The following NPSR1 variants were observed in gnomAD, a reference collection of about 807,000 sequenced individuals.
NPSR1 encodes the protein neuropeptide S receptor.
In NPSR1, 48 loss-of-function variants were observed where a neutral mutation model predicts 46.9. The ratio of observed to expected loss-of-function variants is 1.02; its 90% CI spans 0.81 to 1.30. The LOEUF (loss-of-function observed/expected upper bound fraction) is 1.30. NPSR1 is among the 50% of genes most tolerant of loss of function. NPSR1 has a pLI of 0.00. For missense variants in NPSR1, 450 were observed against 449.5 expected, an observed-to-expected ratio of 1.00 and a Z score of -0.01; for synonymous variants, 176 against 168.1, an observed-to-expected ratio of 1.05 and a Z score of -0.36.
chr7:34,727,425 C>G (rs190175823), intron 2 of NPSR1, among the ~76,000 whole-genome samples: 3 of 152,258 alleles, frequency 2.0e-5, no homozygotes, highest in Admixed American at 6.5e-5. Context: ...GACCAAGTTT[C>G]CCTCAATGGT....
chr7:34,848,281 T>C (rs1479411986), intron 7 of NPSR1, among the ~76,000 whole-genome samples: 1 of 152,220 alleles, frequency 6.6e-6, no homozygotes, highest in Non-Finnish European at 1.5e-5. Context: ...TTTAGGAACA[T>C]GTCTGTAAGA....
chr7:34,749,179 C>T (rs896306375), intron 2 of NPSR1, among the ~76,000 whole-genome samples: 1 of 152,152 alleles, frequency 6.6e-6, no homozygotes, highest in African/African-American at 2.4e-5. Flanking sequence ...TGTGTGGCCA[C>T]TCTCAGTTTG....
intron 8 of NPSR1, among the ~76,000 whole-genome samples, chr7:34,861,538 G>A (rs1414274070): frequency 1.3e-5 from 2 of 151,844 alleles, no homozygotes; most frequent in Non-Finnish European, 2.9e-5. Flanking sequence ...TATTGGCTAT[G>A]TTTATTGTTG....
At chr7:34,732,810 A>G (rs1304304240) in intron 2 of NPSR1, among the ~76,000 whole-genome samples, 1 of 152,208 alleles carries the variant, frequency 6.6e-6, no homozygotes, top group African/African-American at 2.4e-5. Context: ...GGTATTTATC[A>G]GCACATATGC....
At chr7:34,784,545 T>C (rs545965574) in intron 3 of NPSR1, among the ~76,000 whole-genome samples, 6 of 152,184 alleles carry the variant, frequency 3.9e-5, no homozygotes, top group South Asian at 2.1e-4. Context: ...CACTTGATCA[T>C]GGTGGATAAG....
chr7:34,770,190 A>C (rs1786612539), intron 2 of NPSR1, among the ~76,000 whole-genome samples: 1 of 152,182 alleles, frequency 6.6e-6, no homozygotes, highest in South Asian at 2.1e-4. Context: ...AAAATTAAGG[A>C]ATCAGTAAGC....
In NPSR1 at chr7:34,754,423, G is replaced by A. The variant is rs146809813; in HGVS notation, c.281-24039G>A. Among the ~76,000 whole-genome samples, 96 of 150,804 alleles carry A rather than the reference G, an allele frequency of 6.4e-4. 1 individual carries two copies. The highest frequency in any genetic ancestry group is 2.1e-3 in the African/African-American group (86 of 41,098). On this transcript the variant is annotated intron_variant, in intron 2 of 8. Coordinates refer to ENST00000360581, the MANE Select transcript of NPSR1 (RefSeq NM_207172.2). ...TTTATTGAAGTATGAAGTTCAATCC[G>A]GTGCACGCAAGTATCAGCTGATGAA...
intron 2 of NPSR1, among the ~76,000 whole-genome samples, chr7:34,769,382 A>T (rs1317949861): frequency 6.6e-6 from 1 of 152,212 alleles, no homozygotes; most frequent in Non-Finnish European, 1.5e-5. Flanking sequence ...CAGCAACTAA[A>T]GAAATCTATT....
chr7:34,750,792 C>T (rs1324887973), intron 2 of NPSR1: 1 of 694,382 alleles, frequency 1.4e-6, no homozygotes, highest in Non-Finnish European at 2.7e-6. Context: ...TCCTGCTGCA[C>T]CTGCTCAGTT....
chr7:34,780,527 T>C (rs1787184035), intron 3 of NPSR1, among the ~76,000 whole-genome samples: 1 of 152,136 alleles, frequency 6.6e-6, no homozygotes, highest in Admixed American at 6.6e-5. Flanking sequence ...ATCAAATTTG[T>C]AAAACTCTGG....
chr7:34,794,774 C>A (rs1030893901), intron 3 of NPSR1, among the ~76,000 whole-genome samples: 4 of 152,106 alleles, frequency 2.6e-5, no homozygotes, highest in African/African-American at 7.2e-5. Flanking sequence ...AATATAGATG[C>A]AATATTTCTC....
intron 2 of NPSR1, among the ~76,000 whole-genome samples, chr7:34,694,207 T>G (rs1441790398): frequency 2.0e-5 from 3 of 152,040 alleles, no homozygotes; most frequent in Non-Finnish European, 2.9e-5. Flanking sequence ...AAAGTCAAAT[T>G]ACCAAATTAT....
intron 1 of NPSR1, among the ~76,000 whole-genome samples, chr7:34,671,737 C>G (rs570808019): frequency 6.6e-6 from 1 of 152,296 alleles, no homozygotes; most frequent in South Asian, 2.1e-4. Flanking sequence ...CTCATGCCCC[C>G]TCCCCTACTG....
intron 7 of NPSR1, chr7:34,845,662 A>G: frequency 2.2e-6 from 1 of 449,344 alleles, no homozygotes; most frequent in Non-Finnish European, 4.5e-6. Flanking sequence ...ACCTCACACT[A>G]CAGGATATAG....
chr7:34,758,522 G>A (rs982656101), intron 2 of NPSR1, among the ~76,000 whole-genome samples: 3 of 152,116 alleles, frequency 2.0e-5, no homozygotes, highest in Non-Finnish European at 4.4e-5. Context: ...ATCATATTCT[G>A]CCAGCTCTTC....
chr7:34,838,740 T>C (rs1389802646), intron 6 of NPSR1, among the ~76,000 whole-genome samples: 4 of 152,238 alleles, frequency 2.6e-5, no homozygotes, highest in Admixed American at 6.5e-5. Context: ...TCATAAATTA[T>C]CTAAAGACTT....
chr7:34,820,725 G>A (rs1789513415), intron 4 of NPSR1, among the ~76,000 whole-genome samples: 1 of 152,152 alleles, frequency 6.6e-6, no homozygotes, highest in Non-Finnish European at 1.5e-5. Flanking sequence ...TTGGGTAGTG[G>A]GGGATGGGGT....
intron 8 of NPSR1, among the ~76,000 whole-genome samples, chr7:34,872,193 C>T (rs1480322114): frequency 6.6e-6 from 1 of 151,992 alleles, no homozygotes; most frequent in Non-Finnish European, 1.5e-5. Context: ...GCATGGCTTG[C>T]ACCCTCTAGA....
chr7:34,773,709 G>T (rs1001006776), intron 2 of NPSR1, among the ~76,000 whole-genome samples: 6 of 152,168 alleles, frequency 3.9e-5, no homozygotes, highest in African/African-American at 1.4e-4. Context: ...AGGATAATTG[G>T]TAGTCCATTT....
Sources: gnomAD v4.1 joint callset for allele counts (sites outside exome capture counted in the v4.1 genomes callset) on GRCh38, gnomAD v4.1.1 for gene constraint, MANE v1.5 for transcripts, NCBI Gene and HGNC (gene_info 2026-07-23, HGNC 2026-07-21) for gene names.